Variants in SUMF1 observed in about 807,000 individuals in gnomAD.
SUMF1 encodes formylglycine-generating enzyme.
Under a neutral mutation model 47.6 loss-of-function variants are expected in SUMF1, and 48 were observed. The observed-to-expected ratio is 1.01, with a 90% CI of 0.80 to 1.28. The LOEUF is 1.28. Among genes scored for constraint, SUMF1 ranks in the 50% most tolerant of loss-of-function variants. The pLI, the probability that SUMF1 is intolerant of heterozygous loss-of-function variation, is 0.00. For missense variants in SUMF1, 571 were observed against 485.4 expected, an observed-to-expected ratio of 1.18 and a Z score of -1.66; for synonymous variants, 230 against 192.1, an observed-to-expected ratio of 1.20 and a Z score of -1.63.
At chr3:4,042,150 T>C (rs1052548846) in intron 9 of SUMF1, among the ~76,000 whole-genome samples, 1 of 152,046 alleles carries the variant, frequency 6.6e-6, no homozygotes, top group Non-Finnish European at 1.5e-5. Context: ...ATAAAACCTA[T>C]CTTGACTACT....
At chr3:4,411,243 T>C (rs978125902) in intron 6 of SUMF1, among the ~76,000 whole-genome samples, 3 of 152,198 alleles carry the variant, frequency 2.0e-5, no homozygotes, top group African/African-American at 7.2e-5. Flanking sequence ...ATAGAGTTAC[T>C]AATATTATCA....
intron 3 of SUMF1, among the ~76,000 whole-genome samples, chr3:4,432,589 T>G (rs1702267303): frequency 6.6e-6 from 1 of 152,178 alleles, no homozygotes; most frequent in African/African-American, 2.4e-5. Flanking sequence ...ATTGTTTAGA[T>G]TTCAGCTCAG....
chr3:4,064,802 G>A (rs1002951219), intron 9 of SUMF1, among the ~76,000 whole-genome samples: 5 of 152,154 alleles, frequency 3.3e-5, no homozygotes, highest in African/African-American at 1.2e-4. Flanking sequence ...GCAGTCCTGA[G>A]AAGGAGTACG....
intron 8 of SUMF1, among the ~76,000 whole-genome samples, chr3:4,237,420 T>C (rs1174099757): frequency 1.3e-5 from 2 of 152,160 alleles, no homozygotes; most frequent in African/African-American, 4.8e-5. Context: ...GTCACTTGTA[T>C]ACCTTCTTTG....
chr3:4,401,184 T>C (rs1261080931), intron 7 of SUMF1, among the ~76,000 whole-genome samples: 1 of 152,182 alleles, frequency 6.6e-6, no homozygotes, highest in South Asian at 2.1e-4. Flanking sequence ...ATGGTGTATA[T>C]GTGCCACATT....
chr3:4,376,593 A>G (rs1017195921), intron 7 of SUMF1, among the ~76,000 whole-genome samples: 2 of 152,066 alleles, frequency 1.3e-5, no homozygotes, highest in African/African-American at 4.8e-5. Context: ...TCTAAGGCCC[A>G]CCTCAAGTTT....
chr3:4,316,852 T>C (rs1335398510), intron 8 of SUMF1: 1 of 1,549,916 alleles, frequency 6.5e-7, no homozygotes, highest in South Asian at 1.2e-5. Context: ...GGTGAAACCA[T>C]TACATCTGAG....
At chr3:4,249,384 C>T (rs574709995) in intron 8 of SUMF1, among the ~76,000 whole-genome samples, 3 of 152,250 alleles carry the variant, frequency 2.0e-5, no homozygotes, top group Non-Finnish European at 1.5e-5. Flanking sequence ...TCTCCAACAG[C>T]ATATGCTCAC....
intron 8 of SUMF1, among the ~76,000 whole-genome samples, chr3:4,220,020 G>T (rs543409562): frequency 2.0e-5 from 3 of 152,160 alleles, no homozygotes; most frequent in Non-Finnish European, 4.4e-5. Context: ...TACTGCAGTA[G>T]CCCAACTTGA....
intron 8 of SUMF1, among the ~76,000 whole-genome samples, chr3:4,205,796 C>G (rs541333239): frequency 6.6e-6 from 1 of 152,104 alleles, no homozygotes; most frequent in Admixed American, 6.6e-5. Context: ...TCTCTTCACG[C>G]TGACCTACCT....
intron 8 of SUMF1, among the ~76,000 whole-genome samples, chr3:4,240,737 A>AT (rs1366276216): frequency 6.6e-6 from 1 of 152,008 alleles, no homozygotes; most frequent in African/African-American, 2.4e-5. Context: ...GTTTTTAAAT[A>AT]TTTTTTACTT....
rs371398808 is a variant in SUMF1, at chr3:4,150,588, T to C, written c.1015-81843A>G. Among the ~76,000 whole-genome samples, 3 of 151,486 alleles carry C rather than the reference T, an allele frequency of 2.0e-5. No individual in the cohort carries two copies. In the East Asian group the frequency reaches 5.8e-4, roughly 29 times the overall value. On this transcript the variant is annotated intron_variant and NMD_transcript_variant, in intron 8 of 12. Coordinates refer to the SUMF1 transcript ENST00000448413. ...TGTGTAGAGGCAGGGTCTTGCTATG[T>C]TGCCCAGGCTGGTCTCAAACTCCTG... is the stretch of plus-strand genomic sequence containing the variant.
At chr3:4,431,549 T>C (rs1702233112) in intron 3 of SUMF1, among the ~76,000 whole-genome samples, 1 of 152,210 alleles carries the variant, frequency 6.6e-6, no homozygotes, top group South Asian at 2.1e-4. Context: ...CAATAAAATT[T>C]TTCTCCGCCC....
At chr3:4,214,410 G>T (rs935068864) in intron 8 of SUMF1, among the ~76,000 whole-genome samples, 1 of 152,162 alleles carries the variant, frequency 6.6e-6, no homozygotes, top group Non-Finnish European at 1.5e-5. Flanking sequence ...TTAAAGCACT[G>T]TGTAAGGGAA....
chr3:4,377,722 G>C (rs78855036), intron 7 of SUMF1, among the ~76,000 whole-genome samples: 4,866 of 152,270 alleles, frequency 0.032, 116 homozygotes, highest in Non-Finnish European at 0.048. Flanking sequence ...ATCAGGTAAG[G>C]CATACACAGC....
At position 4,361,471 on chromosome 3, in the gene SUMF1, A is replaced by G. The variant is rs1345610733; in HGVS notation, c.*673T>C. The G allele has an allele frequency of 6.5e-6, 1 of 154,620 alleles. No individual in the cohort carries two copies. Among genetic ancestry groups the G allele is most frequent in the African/African-American group, 2.4e-5 (1 of 41,448 alleles). 9.6% of individuals were successfully genotyped at this position (154,620 alleles called of 1,614,324 possible). A position where few individuals can be genotyped will look rare whatever the true frequency, so the allele number is the denominator to read the frequency against. On this transcript the variant is annotated 3_prime_UTR_variant, in exon 9 of 9. Transcript: ENST00000272902. ...CCTATGTGTTCAACGGCTGAACTTCAGCATACCATCACCGGCCCCATGTGG... is the reference window on the plus strand; with the variant it reads ...CCTATGTGTTCAACGGCTGAACTTCGGCATACCATCACCGGCCCCATGTGG...
At chr3:4,126,538 TTTG>T (rs965413910) in intron 8 of SUMF1, among the ~76,000 whole-genome samples, 11 of 152,086 alleles carry the variant, frequency 7.2e-5, no homozygotes, top group Admixed American at 4.6e-4. Flanking sequence ...ATAAGATTTG[TTTG>T]TTAAGACCTT....
rs111887556 is a variant in SUMF1 at position 4,214,071 on chromosome 3, C to T, written c.1015-145326G>A. Among the ~76,000 whole-genome samples the T allele has an allele frequency of 9.2e-3, 1,405 of 152,282 alleles. 23 individuals are homozygous for T. The highest frequency in any genetic ancestry group is 0.032 in the African/African-American group (1,338 of 41,554). ...TGGACCAAGCAGACCTAATAGATAT[C>T]TACAGAACTCTCCATACAAATCAAC... On this transcript the variant is annotated intron_variant and NMD_transcript_variant, in intron 8 of 12. Coordinates refer to the SUMF1 transcript ENST00000448413.
intron 8 of SUMF1, among the ~76,000 whole-genome samples, chr3:4,128,540 G>A (rs969503727): frequency 1.3e-5 from 2 of 152,086 alleles, no homozygotes; most frequent in African/African-American, 4.8e-5. Flanking sequence ...CAGCTGCCAG[G>A]CAAGATAATG....
Sources: gnomAD v4.1 joint callset for allele counts (sites outside exome capture counted in the v4.1 genomes callset) on GRCh38, gnomAD v4.1.1 for gene constraint, MANE v1.5 for transcripts, NCBI Gene and HGNC (gene_info 2026-07-23, HGNC 2026-07-21) for gene names.